Variants in DST observed in about 807,000 individuals in gnomAD.
DST encodes bullous pemphigoid antigen.
A neutral mutation model predicts 875.2 loss-of-function variants in DST; 253 were observed. The observed-to-expected ratio is 0.29, with a 90% CI of 0.26 to 0.32. DST has a LOEUF of 0.32. DST is among the 10% of genes least tolerant of loss of function. The probability of loss-of-function intolerance (pLI) is 1.00; values close to 1 mark genes in which losing one functional copy is unlikely to be tolerated. For synonymous variants in DST, 3,124 were observed against 3,197.1 expected, an observed-to-expected ratio of 0.98 and a Z score of 0.77; for missense variants, 8,287 against 9,111.6, an observed-to-expected ratio of 0.91 and a Z score of 3.68.
At chr6:56,528,721 T>A (rs1584135002) in intron 67 of DST, 120 bp downstream of exon 67, 1 of 703,164 alleles carries the variant, frequency 1.4e-6, no homozygotes, top group East Asian at 2.7e-5. Context: ...TTCTCCAGAA[T>A]AAAAGTCTTG....
At chr6:56,812,466 T>G (rs893830040) in intron 4 of DST, among the ~76,000 whole-genome samples, 4 of 152,196 alleles carry the variant, frequency 2.6e-5, no homozygotes, top group African/African-American at 9.6e-5. Context: ...ATAAACTGTA[T>G]TCTATAGGAG....
At position 56,501,631 on chromosome 6, in the gene DST, C is replaced by T. The variant is rs867922728; in HGVS notation, c.19629G>A (p.Glu6543=). The change falls in exon 79 of 104, where the codon GAG becomes GAA. Residue 6543 remains glutamate (E), a synonymous_variant. Coordinates refer to ENST00000680361, the MANE Select transcript of DST (RefSeq NM_001374736.1). The stretch of plus-strand genomic sequence containing the variant: ...CTTCTGTTACTTTCTTTAGCAAAAG[C>T]TCTGCTTGATGATTCAGTCTTTCCA... ...IEMERLNHQA[E]LLLKKVTEES... 6.2e-7 allele frequency: 1 copy of T among 1,609,180 alleles called. No homozygotes were observed.
At chr6:56,575,377 A>T (rs2097848819) in intron 50 of DST, among the ~76,000 whole-genome samples, 1 of 152,166 alleles carries the variant, frequency 6.6e-6, no homozygotes, top group African/African-American at 2.4e-5. Context: ...TGAAGAAAAA[A>T]AATGAGCTCT....
At chr6:56,584,911 T>C (rs1449464729) in intron 49 of DST, among the ~76,000 whole-genome samples, 2 of 152,152 alleles carry the variant, frequency 1.3e-5, no homozygotes, top group African/African-American at 4.8e-5. Flanking sequence ...GATTTGTGTA[T>C]ATTGAACCAG....
rs2099802581 is a variant in DST, at chr6:56,843,209, A to T, written c.625+8188T>A. The T allele has an allele frequency of 3.5e-6, 5 of 1,424,364 alleles. No homozygotes were observed. In the East Asian group the frequency reaches 1.3e-4, roughly 37 times the overall value. 88.2% of individuals were successfully genotyped at this position (1,424,364 alleles called of 1,614,324 possible). A position where few individuals can be genotyped will look rare whatever the true frequency, so the allele number is the denominator to read the frequency against. ...CTCCCCCTCGTAACCCCCGGACAGT[A>T]TCGCAGTCAGCAAGACACAGCCTTG... On this transcript the variant is annotated intron_variant, in intron 4 of 103. Coordinates refer to ENST00000680361, the MANE Select transcript of DST (RefSeq NM_001374736.1).
At chr6:56,716,601 G>A (rs752747271) in intron 5 of DST, among the ~76,000 whole-genome samples, 1 of 152,202 alleles carries the variant, frequency 6.6e-6, no homozygotes, top group Non-Finnish European at 1.5e-5. Context: ...TGTAATCCCA[G>A]CTACTCATGA....
intron 4 of DST, among the ~76,000 whole-genome samples, chr6:56,757,689 C>G (rs1252237773): frequency 2.0e-5 from 3 of 152,166 alleles, no homozygotes; most frequent in Non-Finnish European, 2.9e-5. Flanking sequence ...CCCCTTGCCC[C>G]TTCTTCCTTC....
At chr6:56,770,707 T>C (rs1041561122) in intron 4 of DST, among the ~76,000 whole-genome samples, 1 of 152,036 alleles carries the variant, frequency 6.6e-6, no homozygotes, top group African/African-American at 2.4e-5. Context: ...CCTTTAAAAA[T>C]GAAAACAAAG....
Position 56,473,916 on chromosome 6 carries a change from T to A in DST, c.21951A>T (p.Ser7317=). The change falls in exon 93 of 104, where the codon TCA becomes TCT. Residue 7317 remains serine (S), a synonymous_variant. Coordinates refer to ENST00000680361, the MANE Select transcript of DST (RefSeq NM_001374736.1). ...TYKRRAADPS[S]LQSHIPVLDK... ...CCAAGACTGGAATATGGGATTGTAATGAGGAAGGATCAGCAGCTCTCCTCT... is the reference window on the plus strand; with the variant it reads ...CCAAGACTGGAATATGGGATTGTAAAGAGGAAGGATCAGCAGCTCTCCTCT... The A allele has an allele frequency of 6.3e-7, 1 of 1,596,340 alleles. No individual in the cohort carries two copies. Among genetic ancestry groups the A allele is most frequent in the Non-Finnish European group, 8.5e-7 (1 of 1,169,740 alleles).
chr6:56,638,839 C>T (rs1174079339), intron 22 of DST: 1 of 223,402 alleles, frequency 4.5e-6, no homozygotes, highest in East Asian at 1.2e-4. Context: ...AAAAACTATA[C>T]TAAGCAGTAA....
intron 4 of DST, among the ~76,000 whole-genome samples, chr6:56,811,237 C>A (rs2099759627): frequency 6.7e-6 from 1 of 149,892 alleles, no homozygotes; most frequent in African/African-American, 2.5e-5. Context: ...ATGTTCCCAG[C>A]CCCAACCTGA....
rs78840378 is a variant in DST at position 56,757,636 on chromosome 6, T to C, written c.626-22347A>G. On this transcript the variant is annotated intron_variant, in intron 4 of 103. Transcript: ENST00000680361. ...ATGAAATAAAAGCTAATGTGTTATA[T>C]GGCAGCTTCTAGAAATTTTCTTTGT... is the stretch of plus-strand genomic sequence containing the variant. Among the ~76,000 whole-genome samples the C allele has an allele frequency of 9.5e-3, 1,450 of 152,330 alleles. 24 individuals carry two copies. Among genetic ancestry groups the C allele is most frequent in the African/African-American group, 0.033 (1,374 of 41,570 alleles).
chr6:56,503,620 C>T (rs1039727441), intron 78 of DST, among the ~76,000 whole-genome samples: 1 of 151,482 alleles, frequency 6.6e-6, no homozygotes, highest in African/African-American at 2.4e-5. Context: ...CACACACACA[C>T]ACACACACCC....
rs2098777228 is a variant in DST at position 56,631,237 on chromosome 6, A to G, written c.4116T>C (p.Tyr1372=). Reference sequence around the variant, plus strand: ...TATCTATGTAAGTGGAAGACATAGAATAGACTTGGTTCATGTTCTGAAGGA... The same window carrying G: ...TATCTATGTAAGTGGAAGACATAGAGTAGACTTGGTTCATGTTCTGAAGGA... ...NVVLQNMNQV[Y]SMSSTYIDKL... is the part of the protein sequence containing the mutation. The change falls in exon 30 of 104, where the codon TAT becomes TAC. Residue 1372 remains tyrosine (Y), a synonymous_variant. Coordinates refer to ENST00000680361, the MANE Select transcript of DST (RefSeq NM_001374736.1). The G allele has an allele frequency of 6.2e-7, 1 of 1,613,614 alleles. No homozygotes were observed. The highest frequency in any genetic ancestry group is 8.5e-7 in the Non-Finnish European group (1 of 1,179,584).
In DST at chr6:56,916,455, CA is replaced by C. The variant is rs992721182; in HGVS notation, c.217-15835del. Reference sequence around the variant, plus strand: ...CACTCCTGCCAGTGCCCGAACTTAACAAAAGCTATTCAAGACCTGGGTGCAG... The same window carrying C: ...CACTCCTGCCAGTGCCCGAACTTAACAAAGCTATTCAAGACCTGGGTGCAG... On this transcript the variant is annotated intron_variant, in intron 2 of 103. Transcript: ENST00000680361. Among the ~76,000 whole-genome samples, 3 of 152,224 alleles carry C rather than the reference CA, an allele frequency of 2.0e-5. No homozygotes were observed. The South Asian group carries it at 6.2e-4, about 32-fold the overall frequency.
At chr6:56,743,204 T>G (rs2099553922) in intron 4 of DST, among the ~76,000 whole-genome samples, 1 of 152,194 alleles carries the variant, frequency 6.6e-6, no homozygotes, top group Non-Finnish European at 1.5e-5. Flanking sequence ...GGCATTCTTA[T>G]GCTTGTCTGA....
chr6:56,688,219 T>C lies in DST; in HGVS notation c.1047+11434A>G, dbSNP rs2099201698. ...TTTTTAAAGAAAGAGATAAAATGGTTCAGCAAGAAATGAGTTAGTCAATTA... is the reference window on the plus strand; with the variant it reads ...TTTTTAAAGAAAGAGATAAAATGGTCCAGCAAGAAATGAGTTAGTCAATTA... On this transcript the variant is annotated intron_variant, in intron 9 of 103. Transcript: ENST00000680361. 2.0e-5 allele frequency among the ~76,000 whole-genome samples: 3 copies of C among 152,276 alleles called. No individual in the cohort carries two copies. In the East Asian group the frequency reaches 5.8e-4, roughly 29 times the overall value.
At chr6:56,757,192 G>A (rs974776828) in intron 4 of DST, among the ~76,000 whole-genome samples, 2 of 152,162 alleles carry the variant, frequency 1.3e-5, no homozygotes, top group East Asian at 3.8e-4. Flanking sequence ...CACTAGAAAT[G>A]GGATTTATTT....
chr6:56,767,142 C>T (rs1338890946), intron 4 of DST, among the ~76,000 whole-genome samples: 1 of 152,178 alleles, frequency 6.6e-6, no homozygotes, highest in East Asian at 1.9e-4. Context: ...AATCAGCATT[C>T]TTGCACACAG....
Sources: gnomAD v4.1 joint callset for allele counts (sites outside exome capture counted in the v4.1 genomes callset) on GRCh38, gnomAD v4.1.1 for gene constraint, MANE v1.5 for transcripts, NCBI Gene and HGNC (gene_info 2026-07-23, HGNC 2026-07-21) for gene names.